The following PCCA variants were observed in gnomAD, a reference collection of about 807,000 sequenced individuals.
PCCA encodes the protein propionyl-CoA carboxylase subunit alpha, also known as propionyl-CoA carboxylase alpha chain, mitochondrial.
PCCA carries 74 observed loss-of-function variants against 101.3 expected under a neutral mutation model. The ratio of observed to expected loss-of-function variants is 0.73; its 90% CI spans 0.61 to 0.89. PCCA has a LOEUF of 0.89. Ranked by LOEUF, PCCA falls within the 40% of genes least tolerant of loss-of-function variation. PCCA has a pLI of 0.00. For synonymous variants in PCCA, 294 were observed against 313.6 expected (o/e 0.94, Z 0.66); for missense variants, 891 against 907.0 (o/e 0.98, Z 0.23).
At chr13:100,415,072 G>A (rs553146010) in intron 19 of PCCA, among the ~76,000 whole-genome samples, 6 of 152,088 alleles carry the variant, frequency 3.9e-5, no homozygotes, top group African/African-American at 1.2e-4. Context: ...GGAGGAGAGC[G>A]TTGAGTTGGA....
chr13:100,370,677 C>G (rs2075521260), intron 19 of PCCA, among the ~76,000 whole-genome samples: 1 of 152,062 alleles, frequency 6.6e-6, no homozygotes, highest in African/African-American at 2.4e-5. Flanking sequence ...TTTTCCTAGG[C>G]ATATTTAAAT....
At chr13:100,279,725 C>T (rs972845744) in intron 12 of PCCA, among the ~76,000 whole-genome samples, 4 of 152,138 alleles carry the variant, frequency 2.6e-5, no homozygotes, top group African/African-American at 7.2e-5. Flanking sequence ...CCACCTGCAT[C>T]GACCTCCCAA....
intron 21 of PCCA, among the ~76,000 whole-genome samples, chr13:100,459,185 G>C (rs1274340492): frequency 6.6e-6 from 1 of 152,156 alleles, no homozygotes; most frequent in Admixed American, 6.6e-5. Context: ...CCAGTCATCA[G>C]ATTTAAGGCT....
intron 19 of PCCA, among the ~76,000 whole-genome samples, chr13:100,392,781 C>T (rs1040182345): frequency 2.0e-5 from 3 of 152,128 alleles, no homozygotes; most frequent in Admixed American, 6.5e-5. Context: ...ATCCATGTAG[C>T]GTTTTAATGA....
At position 100,400,627 on chromosome 13, in the gene PCCA, G is replaced by GTTTTTTTTTTTTTTTTT. The variant is rs763331038; in HGVS notation, c.1747-25004_1747-25003insTTTTTTTTTTTTTTTTT. ...TGATGATTGATCTTAGTTCTTTTTA[G>GTTTTTTTTTTTTTTTTT]TTCTTTTTTTTTTTTTTTTTGAGAG... is the stretch of plus-strand genomic sequence containing the variant. On this transcript the variant is annotated intron_variant, in intron 19 of 23. Transcript: ENST00000376285. Among the ~76,000 whole-genome samples, 7 of 80,240 alleles carry GTTTTTTTTTTTTTTTTT rather than the reference G, an allele frequency of 8.7e-5. 1 individual carries two copies. The East Asian group carries it at 1.1e-3, about 12-fold the overall frequency. 52.6% of individuals were successfully genotyped at this position (80,240 alleles called of 152,430 possible).
intron 3 of PCCA, 40 bp from the exon 4 acceptor site, chr13:100,111,953 G>A: frequency 6.4e-7 from 1 of 1,571,750 alleles, no homozygotes; most frequent in Non-Finnish European, 8.8e-7. Flanking sequence ...CCCTTTAAGT[G>A]TGAATCACTA....
At chr13:100,337,020 G>C (rs965038222) in intron 17 of PCCA, among the ~76,000 whole-genome samples, 16 of 152,148 alleles carry the variant, frequency 1.1e-4, no homozygotes, top group Non-Finnish European at 1.5e-4. Context: ...TGTCGGGGTT[G>C]GGGGAGAGGG....
At chr13:100,135,044 G>A (rs967050885) in intron 4 of PCCA, among the ~76,000 whole-genome samples, 1 of 151,778 alleles carries the variant, frequency 6.6e-6, no homozygotes, top group South Asian at 2.1e-4. Flanking sequence ...TGCCCAGCTT[G>A]TACTGTTTTG....
intron 21 of PCCA, among the ~76,000 whole-genome samples, chr13:100,493,873 A>G (rs144641644): frequency 2.5e-4 from 38 of 152,280 alleles, no homozygotes; most frequent in African/African-American, 8.9e-4. Flanking sequence ...TATCATTCAG[A>G]CATAGAGAGC....
At chr13:100,154,863 T>A in intron 4 of PCCA, 116 bp from the exon 5 acceptor site, 2 of 773,332 alleles carry the variant, frequency 2.6e-6, no homozygotes, top group South Asian at 2.8e-5. Flanking sequence ...CAAAAAGAAA[T>A]ACGACTCTAT....
chr13:100,460,745 C>T (rs1272737455), intron 21 of PCCA, among the ~76,000 whole-genome samples: 1 of 152,160 alleles, frequency 6.6e-6, no homozygotes, highest in Non-Finnish European at 1.5e-5. Context: ...TACACCAGCA[C>T]AATTAGATTT....
intron 9 of PCCA, among the ~76,000 whole-genome samples, chr13:100,257,926 C>G (rs556642212): frequency 6.6e-6 from 1 of 151,596 alleles, no homozygotes; most frequent in Non-Finnish European, 1.5e-5. Flanking sequence ...TTGTTTTTAC[C>G]GTATATTTTT....
chr13:100,090,481 A>G (rs2046179075), intron 1 of PCCA, among the ~76,000 whole-genome samples: 2 of 152,112 alleles, frequency 1.3e-5, no homozygotes, highest in East Asian at 1.9e-4. Flanking sequence ...GAGGCTTTGT[A>G]TATTGGACAG....
chr13:100,106,768 T>A (rs1272144336), intron 2 of PCCA, among the ~76,000 whole-genome samples: 2 of 152,160 alleles, frequency 1.3e-5, no homozygotes, highest in African/African-American at 4.8e-5. Flanking sequence ...AAGTGGAATC[T>A]CCTTGGAATT....
intron 19 of PCCA, among the ~76,000 whole-genome samples, chr13:100,379,817 G>A (rs1287196423): frequency 6.6e-6 from 1 of 151,976 alleles, no homozygotes; most frequent in African/African-American, 2.4e-5. Context: ...CCTCCCACTG[G>A]GTCCTTCCCA....
chr13:100,373,239 T>C (rs1286682394), intron 19 of PCCA, among the ~76,000 whole-genome samples: 2 of 152,164 alleles, frequency 1.3e-5, no homozygotes, highest in Non-Finnish European at 2.9e-5. Context: ...AGTGAGATAC[T>C]ACCTCCCACC....
chr13:100,293,153 G>T, intron 12 of PCCA: 2 of 466,022 alleles, frequency 4.3e-6, no homozygotes. Flanking sequence ...CCATATCTTT[G>T]AGAACAGACA....
At chr13:100,199,295 T>G (rs1357101727) in intron 6 of PCCA, among the ~76,000 whole-genome samples, 1 of 152,184 alleles carries the variant, frequency 6.6e-6, no homozygotes, top group Non-Finnish European at 1.5e-5. Context: ...CATTTTTTTT[T>G]GCGTTTAAAA....
At position 100,530,161 on chromosome 13, in the gene PCCA, G is replaced by C; in HGVS notation, c.2182G>C (p.Glu728Gln). 1 of 1,612,864 alleles carries C rather than the reference G, an allele frequency of 6.2e-7. No homozygotes were observed. Among genetic ancestry groups the C allele is most frequent in the Non-Finnish European group, 8.5e-7 (1 of 1,178,832 alleles). Reference protein sequence around the residue: ...VGEGDLLVELE With the variant: ...VGEGDLLVELQ Reference sequence around the variant, plus strand: ...AGAAGGGGATCTGCTCGTGGAGCTGGAATGAAGGATTTATAACCTTTCAGT... The same window carrying C: ...AGAAGGGGATCTGCTCGTGGAGCTGCAATGAAGGATTTATAACCTTTCAGT... The change falls in exon 24 of 24, where the codon GAA becomes CAA. Residue 728 changes from glutamate to glutamine, a missense_variant. Coordinates refer to ENST00000376285, the MANE Select transcript of PCCA (RefSeq NM_000282.4).
Sources: gnomAD v4.1 joint callset for allele counts (sites outside exome capture counted in the v4.1 genomes callset) on GRCh38, gnomAD v4.1.1 for gene constraint, MANE v1.5 for transcripts, NCBI Gene and HGNC (gene_info 2026-07-23, HGNC 2026-07-21) for gene names.